ATP5F1A: variants seen among roughly 807,000 people sequenced by gnomAD.
ATP5F1A encodes the protein ATP synthase F1 subunit alpha, also known as ATP synthase F(1) complex subunit alpha, mitochondrial.
ATP5F1A carries 24 observed loss-of-function variants against 57.4 expected under a neutral mutation model. The ratio of observed to expected loss-of-function variants is 0.42; its 90% CI spans 0.30 to 0.59. The LOEUF is 0.59. Among genes scored for constraint, ATP5F1A ranks in the 20% least tolerant of loss-of-function variants. ATP5F1A has a pLI of 0.19. For synonymous variants in ATP5F1A, 251 were observed against 255.5 expected, an observed-to-expected ratio of 0.98 and a Z score of 0.17; for missense variants, 494 against 707.9, an observed-to-expected ratio of 0.70 and a Z score of 3.43.
intron 1 of ATP5F1A, 87 bp from the exon 2 acceptor site, chr18:46,095,218 T>A: frequency 8.0e-7 from 1 of 1,243,298 alleles, no homozygotes; most frequent in East Asian, 2.4e-5. Flanking sequence ...CTTAGTGTGA[T>A]CAAAGTACTG....
rs559236182 is a variant in ATP5F1A, at chr18:46,095,597, G to A, written c.61-466C>T. On this transcript the variant is annotated intron_variant, in intron 1 of 11. Transcript: ENST00000398752. ...CTCCCAAAGTGCTAGAACTATAGGC[G>A]TGAGCACCGCACCCGGCTTATTTTT... Among the ~76,000 whole-genome samples the A allele has an allele frequency of 3.9e-5, 6 of 151,936 alleles. No homozygotes were observed. In the South Asian group the frequency reaches 6.2e-4, roughly 16 times the overall value.
upstream of ATP5F1A, among the ~76,000 whole-genome samples, chr18:46,102,733 G>C (rs1911315130): frequency 6.6e-6 from 1 of 151,886 alleles, no homozygotes; most frequent in Non-Finnish European, 1.5e-5. Flanking sequence ...CATCACTTGG[G>C]GCCAGGAGTT....
intron 8 of ATP5F1A, chr18:46,086,746 T>C (rs919850012): frequency 3.3e-6 from 2 of 599,442 alleles, no homozygotes; most frequent in African/African-American, 1.9e-5. Context: ...TAATTTCTAT[T>C]TGATTCAAAA....
intron 2 of ATP5F1A, among the ~76,000 whole-genome samples, chr18:46,094,186 C>CACACACACACACACAT (rs140950200): frequency 0.035 from 5,282 of 150,972 alleles, 112 homozygotes; most frequent in African/African-American, 0.056. Context: ...CACACACACA[C>CACACACACACACACAT]ATATACACAC....
chr18:46,090,129 A>G (rs1910452933), intron 3 of ATP5F1A, 133 bp from the exon 4 acceptor site: 2 of 788,184 alleles, frequency 2.5e-6, no homozygotes. Context: ...TTTATTCTTG[A>G]GTACTTTTCC....
intron 3 of ATP5F1A, among the ~76,000 whole-genome samples, chr18:46,091,426 G>A (rs1295717905): frequency 6.6e-6 from 1 of 152,126 alleles, no homozygotes; most frequent in African/African-American, 2.4e-5. Flanking sequence ...TTGGATTTGG[G>A]GTGAAAGTTT....
upstream of ATP5F1A, among the ~76,000 whole-genome samples, chr18:46,099,977 G>A (rs759332498): frequency 7.9e-5 from 12 of 151,996 alleles, no homozygotes; most frequent in Non-Finnish European, 1.5e-4. Flanking sequence ...CAAGCCAGGC[G>A]CAGTGGCTCA....
chr18:46,096,645 C>T (rs1258805731), intron 1 of ATP5F1A, among the ~76,000 whole-genome samples: 1 of 150,760 alleles, frequency 6.6e-6, no homozygotes, highest in African/African-American at 2.4e-5. Flanking sequence ...AGGGGCAAAA[C>T]TCAAAGTAGT....
At chr18:46,092,994 CAA>C (rs903529623) in intron 2 of ATP5F1A, among the ~76,000 whole-genome samples, 7 of 151,094 alleles carry the variant, frequency 4.6e-5, no homozygotes, top group African/African-American at 1.7e-4. Flanking sequence ...ACTAAAAACA[CAA>C]AAGTTTGCCG....
chr18:46,094,856 G>A (rs1910824658), intron 2 of ATP5F1A, 197 bp downstream of exon 2: 6 of 795,754 alleles, frequency 7.5e-6, no homozygotes, highest in Non-Finnish European at 1.0e-5. Flanking sequence ...AGAAAAATAT[G>A]TAACAGTAGT....
upstream of ATP5F1A, among the ~76,000 whole-genome samples, chr18:46,098,900 A>G (rs8092086): frequency 0.042 from 6,471 of 152,276 alleles, 449 homozygotes; most frequent in African/African-American, 0.14. Flanking sequence ...ATTCATTCTA[A>G]AAGAATCCTG....
chr18:46,103,118 G>A (rs748986464), upstream of ATP5F1A, among the ~76,000 whole-genome samples: 1 of 151,628 alleles, frequency 6.6e-6, no homozygotes, highest in Non-Finnish European at 1.5e-5. Context: ...CCTGATCAAC[G>A]TGGTGAAACC....
chr18:46,094,186 C>CACACACACACATAT (rs140950200), intron 2 of ATP5F1A, among the ~76,000 whole-genome samples: 5 of 150,980 alleles, frequency 3.3e-5, no homozygotes, highest in African/African-American at 1.2e-4. Flanking sequence ...CACACACACA[C>CACACACACACATAT]ATATACACAC....
chr18:46,085,304 A>AT (rs1909999391), intron 10 of ATP5F1A: 2 of 134,160 alleles, frequency 1.5e-5, no homozygotes, highest in South Asian at 2.4e-4. Context: ...GAGACTCTGT[A>AT]TTAAAAAAAA....
In ATP5F1A at chr18:46,089,585, T is replaced by G; in HGVS notation, c.631A>C (p.Ile211Leu). The G allele has an allele frequency of 6.2e-7, 1 of 1,614,210 alleles. No homozygotes were observed. Among genetic ancestry groups the G allele is most frequent in the Non-Finnish European group, 8.5e-7 (1 of 1,180,042 alleles). ...PIGRGQRELI[I>L]GDRQTGKTSI... The stretch of plus-strand genomic sequence containing the variant: ...CTTTACCCAGTCTGTCGGTCACCAA[T>G]AATCAGTTCACGCTGACCACGACCA... Residue 211 changes from isoleucine (I) to leucine (L), a missense_variant, in exon 5 of 12, where the codon ATT becomes CTT. Physicochemically the swap from Ile to Leu is conservative, Grantham distance 5. This residue lies in a region of ATP5F1A where 191 missense variants were observed against 267.7 expected (regional missense o/e 0.71). Transcript: ENST00000398752.
intron 6 of ATP5F1A, 129 bp from the exon 7 acceptor site, chr18:46,087,621 T>G (rs1910215371): frequency 1.6e-5 from 18 of 1,106,212 alleles, no homozygotes; most frequent in Non-Finnish European, 2.2e-5. Context: ...GGCTCATGCC[T>G]GTAATCCCAG....
At chr18:46,098,085 C>T in intron 1 of ATP5F1A, 87 bp downstream of exon 1, 1 of 1,481,778 alleles carries the variant, frequency 6.7e-7, no homozygotes, top group East Asian at 2.5e-5. Context: ...CAGCCCCTCG[C>T]CCTCCTGCAG....
chr18:46,098,492 G>A (rs1911154507), upstream of ATP5F1A: 1 of 1,152,440 alleles, frequency 8.7e-7, no homozygotes, highest in East Asian at 3.2e-5. Context: ...CCTGGCATTC[G>A]TTATACATTT....
At position 46,087,992 on chromosome 18, in the gene ATP5F1A, A is replaced by G. The variant is rs373741992; in HGVS notation, c.799+117T>C. On this transcript the variant is annotated intron_variant, in intron 6 of 11. Transcript: ENST00000398752. ...TTGTCTTACCTACTGATTTGTATTAAAAAGTTCAGCCCATTAGGAAGTAAT... is the reference window on the plus strand; with the variant it reads ...TTGTCTTACCTACTGATTTGTATTAGAAAGTTCAGCCCATTAGGAAGTAAT... 1.1e-4 allele frequency: 128 copies of G among 1,150,542 alleles called. No homozygotes were observed. In the East Asian group the frequency reaches 2.9e-3, roughly 26 times the overall value. 71.3% of individuals were successfully genotyped at this position (1,150,542 alleles called of 1,614,324 possible). A position where few individuals can be genotyped will look rare whatever the true frequency, so the allele number is the denominator to read the frequency against.
Sources: gnomAD v4.1 joint callset for allele counts (sites outside exome capture counted in the v4.1 genomes callset) on GRCh38, gnomAD v4.1.1 for gene constraint, gnomAD v4.1.1 regional missense constraint, MANE v1.5 for transcripts, NCBI Gene and HGNC (gene_info 2026-07-23, HGNC 2026-07-21) for gene names.